The following NTRK3 variants were observed in gnomAD, a reference collection of about 807,000 sequenced individuals.
The protein encoded by NTRK3 is neurotrophic receptor tyrosine kinase 3.
Under a neutral mutation model 91.7 loss-of-function variants are expected in NTRK3, and 24 were observed. The ratio of observed to expected loss-of-function variants is 0.26; its 90% CI spans 0.19 to 0.37. The LOEUF (loss-of-function observed/expected upper bound fraction) is 0.37. NTRK3 is among the 10% of genes least tolerant of loss of function. The pLI, the probability that NTRK3 is intolerant of heterozygous loss-of-function variation, is 1.00. For synonymous variants in NTRK3, 483 were observed against 404.0 expected, an observed-to-expected ratio of 1.20 and a Z score of -2.34; for missense variants, 880 against 1,068.9, an observed-to-expected ratio of 0.82 and a Z score of 2.46.
chr15:87,929,053 A>G (rs1015581009), intron 17 of NTRK3, 138 bp downstream of exon 17: 3 of 1,289,772 alleles, frequency 2.3e-6, no homozygotes, highest in Non-Finnish European at 3.3e-6. Flanking sequence ...AGGCCAAAAG[A>G]TAACTGTTGA....
chr15:88,027,050 G>T (rs974495640), intron 14 of NTRK3, among the ~76,000 whole-genome samples: 1 of 152,072 alleles, frequency 6.6e-6, no homozygotes, highest in Non-Finnish European at 1.5e-5. Flanking sequence ...CAAAAGAACT[G>T]TCCTTAATAG....
At chr15:88,246,711 T>C (rs1003860803) in intron 3 of NTRK3, among the ~76,000 whole-genome samples, 3 of 152,276 alleles carry the variant, frequency 2.0e-5, no homozygotes, top group African/African-American at 7.2e-5. Context: ...TCCAATGCAC[T>C]CGCCCAGCCA....
intron 17 of NTRK3, among the ~76,000 whole-genome samples, chr15:87,896,559 T>C (rs186730001): frequency 7.9e-4 from 120 of 152,250 alleles, no homozygotes; most frequent in Admixed American, 3.5e-3. Flanking sequence ...TCGACAGTTC[T>C]ATAGTTTTCC....
chr15:88,176,907 A>C (rs975539766), intron 5 of NTRK3, among the ~76,000 whole-genome samples: 1 of 152,202 alleles, frequency 6.6e-6, no homozygotes, highest in African/African-American at 2.4e-5. Flanking sequence ...AATGTGATCT[A>C]TTTGTAAGGA....
intron 10 of NTRK3, among the ~76,000 whole-genome samples, chr15:88,129,630 A>G (rs77657929): frequency 1.4e-3 from 209 of 152,350 alleles, no homozygotes; most frequent in African/African-American, 4.8e-3. Flanking sequence ...GGGCCGGACC[A>G]GGGAAAGTAC....
chr15:88,165,454 T>C (rs546946937), intron 5 of NTRK3, among the ~76,000 whole-genome samples: 2 of 152,344 alleles, frequency 1.3e-5, no homozygotes, highest in African/African-American at 4.8e-5. Context: ...TGAACATAAG[T>C]GCAAATAATT....
intron 5 of NTRK3, among the ~76,000 whole-genome samples, chr15:88,182,148 C>G (rs990323802): frequency 6.6e-6 from 1 of 152,098 alleles, no homozygotes; most frequent in Non-Finnish European, 1.5e-5. Flanking sequence ...ATACACCTGG[C>G]CCTGAACAGT....
intron 13 of NTRK3, among the ~76,000 whole-genome samples, chr15:88,114,298 A>G (rs1567441139): frequency 1.3e-5 from 2 of 152,174 alleles, no homozygotes; most frequent in Non-Finnish European, 2.9e-5. Context: ...AAAAGATGAA[A>G]TTAAAAAAAT....
At chr15:88,205,121 A>G (rs147728764) in intron 3 of NTRK3, among the ~76,000 whole-genome samples, 1 of 152,296 alleles carries the variant, frequency 6.6e-6, no homozygotes, top group East Asian at 1.9e-4. Flanking sequence ...CGTTCATAAA[A>G]AGTGATTTTC....
chr15:88,128,831 A>G, intron 10 of NTRK3, 97 bp from the exon 11 acceptor site: 1 of 1,095,248 alleles, frequency 9.1e-7, no homozygotes, highest in Non-Finnish European at 1.4e-6. Flanking sequence ...CCCATTCACC[A>G]TGATTCCCTG....
At chr15:88,222,853 A>G (rs949541510) in intron 3 of NTRK3, among the ~76,000 whole-genome samples, 2 of 152,318 alleles carry the variant, frequency 1.3e-5, no homozygotes, top group Admixed American at 6.5e-5. Context: ...ACCGAGGCCC[A>G]GGGAGGCTCA....
At chr15:88,087,418 G>A (rs140751345) in intron 13 of NTRK3, among the ~76,000 whole-genome samples, 1 of 152,186 alleles carries the variant, frequency 6.6e-6, no homozygotes, top group Non-Finnish European at 1.5e-5. Context: ...TGCCCCTCTT[G>A]CTAGAGGAAC....
At chr15:88,162,168 G>A (rs993483445) in intron 5 of NTRK3, among the ~76,000 whole-genome samples, 12 of 152,178 alleles carry the variant, frequency 7.9e-5, no homozygotes, top group Non-Finnish European at 1.6e-4. Flanking sequence ...CAGGATATAA[G>A]GCTTCCAGAA....
intron 17 of NTRK3, chr15:87,928,908 A>G (rs2068554119): frequency 1.7e-6 from 1 of 585,740 alleles, no homozygotes; most frequent in Non-Finnish European, 3.0e-6. Context: ...TACATGAAGA[A>G]TGAGTATTGA....
At chr15:88,036,680 C>T (rs1287479293) in intron 13 of NTRK3, among the ~76,000 whole-genome samples, 1 of 152,158 alleles carries the variant, frequency 6.6e-6, no homozygotes, top group Non-Finnish European at 1.5e-5. Context: ...CATGCCCAGG[C>T]TGTCTTGTTT....
intron 3 of NTRK3, among the ~76,000 whole-genome samples, chr15:88,245,880 T>C (rs1168901866): frequency 6.6e-6 from 1 of 152,186 alleles, no homozygotes; most frequent in Non-Finnish European, 1.5e-5. Context: ...ATTAGGGTTG[T>C]ATATGTAAAT....
At chr15:87,868,991 G>C (rs948395245) in exon 19 of NTRK3, 1 of 228,524 alleles carries the variant, frequency 4.4e-6, no homozygotes, top group Non-Finnish European at 8.7e-6. Context: ...CCCAGAGCAG[G>C]GCTCAATGAC....
chr15:88,166,051 T>C (rs2044907523), intron 5 of NTRK3, among the ~76,000 whole-genome samples: 1 of 152,228 alleles, frequency 6.6e-6, no homozygotes, highest in Non-Finnish European at 1.5e-5. Flanking sequence ...TGGCCCACTT[T>C]ATCTATTCCT....
At chr15:87,961,853 G>T (rs2072328418) in intron 14 of NTRK3, among the ~76,000 whole-genome samples, 1 of 152,260 alleles carries the variant, frequency 6.6e-6, no homozygotes, top group South Asian at 2.1e-4. Context: ...GCAATGAGCA[G>T]GTGCTCAGAC....
Sources: gnomAD v4.1 joint callset for allele counts (sites outside exome capture counted in the v4.1 genomes callset) on GRCh38, gnomAD v4.1.1 for gene constraint, MANE v1.5 for transcripts, NCBI Gene and HGNC (gene_info 2026-07-23, HGNC 2026-07-21) for gene names.